BCLAF1: variants seen among roughly 807,000 people sequenced by gnomAD.
BCLAF1 encodes bcl-2-associated transcription factor 1.
A neutral mutation model predicts 99.5 loss-of-function variants in BCLAF1; 10 were observed. The observed-to-expected ratio is 0.10, with a 90% confidence interval of 0.06 to 0.17. The LOEUF (loss-of-function observed/expected upper bound fraction) is 0.17, where lower values mean the gene tolerates loss of function less well. Ranked by LOEUF, BCLAF1 falls within the 10% of genes least tolerant of loss-of-function variation. The probability of loss-of-function intolerance (pLI) is 1.00; values close to 1 mark genes in which losing one functional copy is unlikely to be tolerated. For synonymous variants in BCLAF1, 255 were observed against 370.9 expected, an observed-to-expected ratio of 0.69 and a Z score of 3.59; for missense variants, 636 against 1,105.8, an observed-to-expected ratio of 0.58 and a Z score of 6.02.
Position 136,260,349 on chromosome 6 carries a change from A to G in BCLAF1, c.*761T>C, listed in dbSNP as rs539167611. 6 of 152,168 alleles carry G rather than the reference A, an allele frequency of 3.9e-5. No homozygotes were observed. The South Asian group carries it at 6.2e-4, about 16-fold the overall frequency. 9.4% of individuals were successfully genotyped at this position (152,168 alleles called of 1,614,324 possible). The stretch of plus-strand genomic sequence containing the variant: ...ACCAGTTTCCTCTCACAAATAGCTA[A>G]TATCTAAGACCATGACTCAAACTAT... On this transcript the variant is annotated 3_prime_UTR_variant, in exon 13 of 13. Transcript: ENST00000531224.
At chr6:136,275,783 A>G in intron 5 of BCLAF1, 60 bp downstream of exon 5, 1 of 1,569,636 alleles carries the variant, frequency 6.4e-7, no homozygotes, top group African/African-American at 1.4e-5. Flanking sequence ...AAAGTTTAAG[A>G]TAATTAACTG....
chr6:136,275,114 A>C (rs1783085785), intron 6 of BCLAF1, among the ~76,000 whole-genome samples: 1 of 152,142 alleles, frequency 6.6e-6, no homozygotes, highest in Admixed American at 6.6e-5. Flanking sequence ...AGAAATTCTT[A>C]GAAATATTCA....
chr6:136,287,210 T>TAC (rs1785261362), intron 1 of BCLAF1, among the ~76,000 whole-genome samples: 2 of 151,456 alleles, frequency 1.3e-5, no homozygotes, highest in African/African-American at 4.9e-5. Context: ...CTTGGGAGGC[T>TAC]GAGATACGAG....
chr6:136,289,366 C>CAGTCGGGCGCGCGCAGAGGT (rs1785627242), intron 1 of BCLAF1, among the ~76,000 whole-genome samples: 1 of 152,126 alleles, frequency 6.6e-6, no homozygotes, highest in Non-Finnish European at 1.5e-5. Flanking sequence ...GCGGAGCGTT[C>CAGTCGGGCGCGCGCAGAGGT]AGTCGGGCGC....
chr6:136,267,026 C>T lies in BCLAF1; in HGVS notation c.2544+3G>A. ...CAAATAAACACAGATGTCTAACACC[C>T]ACCAAGAAGTACTTCTTGCTCTTTG... On this transcript the variant is annotated splice_donor_region_variant and intron_variant, in intron 11 of 12. Coordinates refer to ENST00000531224, the MANE Select transcript of BCLAF1 (RefSeq NM_014739.3). 6.2e-7 allele frequency: 1 copy of T among 1,612,568 alleles called. No homozygotes were observed.
At chr6:136,287,723 A>G (rs1488752512) in intron 1 of BCLAF1, among the ~76,000 whole-genome samples, 9 of 152,172 alleles carry the variant, frequency 5.9e-5, no homozygotes, top group Non-Finnish European at 1.0e-4. Flanking sequence ...GCTGCCCACA[A>G]AAGTTGTTTA....
chr6:136,263,006 C>G (rs757128073), intron 11 of BCLAF1, among the ~76,000 whole-genome samples: 6 of 152,162 alleles, frequency 3.9e-5, no homozygotes, highest in Non-Finnish European at 8.8e-5. Context: ...GTCTGACAAG[C>G]AAGCACTCAA....
chr6:136,260,077 G>C lies in BCLAF1; in HGVS notation c.*1033C>G, dbSNP rs1780779467. The C allele has an allele frequency of 6.6e-6, 1 of 151,956 alleles. No homozygotes were observed. The highest frequency in any genetic ancestry group is 2.1e-4 in the South Asian group (1 of 4,836). The allele number at this position is 151,956 out of a possible 1,614,324, so 9.4% of individuals were successfully genotyped here. A position where few individuals can be genotyped will look rare whatever the true frequency, so the allele number is the denominator to read the frequency against. On this transcript the variant is annotated 3_prime_UTR_variant, in exon 13 of 13. Transcript: ENST00000531224. ...GCCAAAACTTTTATTGGTGACATTT[G>C]AAAAACAATTTTTTTAAAATACTAT...
At chr6:136,285,157 T>C (rs1021561213) in intron 1 of BCLAF1, among the ~76,000 whole-genome samples, 1 of 152,132 alleles carries the variant, frequency 6.6e-6, no homozygotes, top group Non-Finnish European at 1.5e-5. Flanking sequence ...GAGAAACCCT[T>C]GCAGGGTTTT....
intron 1 of BCLAF1, among the ~76,000 whole-genome samples, chr6:136,284,130 G>GTATGTATA (rs1554220651): frequency 2.5e-5 from 3 of 122,120 alleles, no homozygotes; most frequent in African/African-American, 1.2e-4. Flanking sequence ...GTGTGTGTGT[G>GTATGTATA]TATATATATA....
In BCLAF1 at chr6:136,278,311, T is replaced by C. The variant is rs1437200231; in HGVS notation, c.570A>G (p.Thr190=). ...KSKSQEEPKD[T]FEHDPSESID... ...TAGACTCAGATGGGTCATGTTCAAATGTATCTTTCGGTTCCTCCTGTGATT... is the reference window on the plus strand; with the variant it reads ...TAGACTCAGATGGGTCATGTTCAAACGTATCTTTCGGTTCCTCCTGTGATT... The change falls in exon 4 of 13, where the codon ACA becomes ACG. Residue 190 remains threonine, a synonymous_variant. Transcript: ENST00000531224. The C allele has an allele frequency of 3.1e-6, 5 of 1,614,174 alleles. No individual in the cohort carries two copies. Among genetic ancestry groups the C allele is most frequent in the Non-Finnish European group, 4.2e-6 (5 of 1,180,008 alleles).
chr6:136,278,704 G>A lies in BCLAF1; in HGVS notation c.177C>T (p.Arg59=), dbSNP rs9942519. The change falls in exon 4 of 13, where the codon CGC becomes CGT. Residue 59 remains arginine (R), a synonymous_variant. Coordinates refer to ENST00000531224, the MANE Select transcript of BCLAF1 (RefSeq NM_014739.3). The part of the protein sequence containing the change: ...RDRMYSRDYR[R]DYRNNRGMRR... ...TCATTCCTCTATTATTTCTGTAATCGCGACGATAATCTCTAGAATACATAC... is the reference window on the plus strand; with the variant it reads ...TCATTCCTCTATTATTTCTGTAATCACGACGATAATCTCTAGAATACATAC... 1.6e-4 allele frequency: 259 copies of A among 1,607,952 alleles called. No individual in the cohort carries two copies. In the African/African-American group the frequency reaches 3.1e-3, roughly 19 times the overall value.
chr6:136,289,246 G>A (rs1785596710), intron 1 of BCLAF1, among the ~76,000 whole-genome samples: 2 of 152,216 alleles, frequency 1.3e-5, no homozygotes, highest in Non-Finnish European at 1.5e-5. Flanking sequence ...AACCCCACAG[G>A]CCACGAAGAA....
chr6:136,276,614 A>T, intron 4 of BCLAF1, 106 bp from the exon 5 acceptor site: 1 of 1,339,894 alleles, frequency 7.5e-7, no homozygotes, highest in Non-Finnish European at 9.8e-7. Context: ...CAAGAGAGAA[A>T]ATAACCCTAT....
chr6:136,289,389 G>T (rs1020036677), intron 1 of BCLAF1, among the ~76,000 whole-genome samples: 1 of 152,308 alleles, frequency 6.6e-6, no homozygotes, highest in African/African-American at 2.4e-5. Context: ...GCAGAGGTAC[G>T]GGCTGAAGAA....
intron 11 of BCLAF1, among the ~76,000 whole-genome samples, chr6:136,262,581 C>G (rs1249209351): frequency 6.6e-6 from 1 of 152,014 alleles, no homozygotes; most frequent in East Asian, 1.9e-4. Flanking sequence ...GAGAACTTAC[C>G]AACTGCTAAT....
At chr6:136,271,616 A>G (rs1330750283) in intron 8 of BCLAF1, among the ~76,000 whole-genome samples, 4 of 152,064 alleles carry the variant, frequency 2.6e-5, no homozygotes, top group South Asian at 4.1e-4. Flanking sequence ...TCTGTGAAGA[A>G]CCTAGAGATA....
At chr6:136,284,858 T>C (rs967927599) in intron 1 of BCLAF1, among the ~76,000 whole-genome samples, 2 of 151,750 alleles carry the variant, frequency 1.3e-5, no homozygotes, top group African/African-American at 4.8e-5. Context: ...CAAGTTAACA[T>C]GCAGAGGAGG....
In BCLAF1 at chr6:136,260,764, T is replaced by C. The variant is rs538662536; in HGVS notation, c.*346A>G. 6.6e-5 allele frequency: 23 copies of C among 350,458 alleles called. No homozygotes were observed. The highest frequency in any genetic ancestry group is 2.3e-4 in the African/African-American group (11 of 47,602). 21.7% of individuals were successfully genotyped at this position (350,458 alleles called of 1,614,324 possible). On this transcript the variant is annotated 3_prime_UTR_variant, in exon 13 of 13. Transcript: ENST00000531224. The stretch of plus-strand genomic sequence containing the variant: ...CTAACGTTTACTTCAGAATAAAACA[T>C]TGACAAACAGGGAAGGAAGAGAATC...
Sources: allele counts gnomAD v4.1 joint callset (sites outside exome capture counted in the v4.1 genomes callset), GRCh38; gene constraint gnomAD v4.1.1; transcripts MANE v1.5; gene names NCBI Gene and HGNC (gene_info 2026-07-23, HGNC 2026-07-21).